Variants in CLPTM1 observed in about 807,000 individuals in gnomAD.
The protein encoded by CLPTM1 is putative lipid scramblase CLPTM1.
Under a neutral mutation model 77.3 loss-of-function variants are expected in CLPTM1, and 21 were observed. The ratio of observed to expected loss-of-function variants is 0.27; its 90% CI spans 0.19 to 0.39. The LOEUF is 0.39. Ranked by LOEUF, CLPTM1 falls within the 10% of genes least tolerant of loss-of-function variation. CLPTM1 has a pLI of 1.00. For missense variants in CLPTM1, 642 were observed against 921.2 expected (o/e 0.70, Z 3.92); for synonymous variants, 373 against 381.0 (o/e 0.98, Z 0.24).
At chr19:44,964,418 C>A (rs1009156691) in intron 2 of CLPTM1, among the ~76,000 whole-genome samples, 12 of 136,032 alleles carry the variant, frequency 8.8e-5, no homozygotes, top group African/African-American at 3.3e-4. Flanking sequence ...TCAAGCGATT[C>A]TCCTGCCTCA....
In CLPTM1 at chr19:44,987,989, T is replaced by C. The variant is rs1971008498; in HGVS notation, c.1039-91T>C. The C allele has an allele frequency of 6.4e-6, 6 of 943,678 alleles. No individual in the cohort carries two copies. The Admixed American group carries it at 1.0e-4, about 16-fold the overall frequency. The allele number at this position is 943,678 out of a possible 1,614,324, so 58.5% of individuals were successfully genotyped here. A position where few individuals can be genotyped will look rare whatever the true frequency, so the allele number is the denominator to read the frequency against. On this transcript the variant is annotated intron_variant, in intron 8 of 13. Coordinates refer to ENST00000337392, the MANE Select transcript of CLPTM1 (RefSeq NM_001294.4). ...GGCTGGCCCACCTTCAGCCTCCCTC[T>C]ACAGGCGGCCCCAGGGGCAGCCCTC...
intron 5 of CLPTM1, 42 bp from the exon 6 acceptor site, chr19:44,985,176 A>G (rs204472): frequency 0.95 from 1,417,283 of 1,494,084 alleles, 672,925 homozygotes; most frequent in Non-Finnish European, 0.96. Context: ...TGCAGGTGCC[A>G]GCAGGTCTCA....
chr19:44,962,107 A>G (rs892817601), intron 2 of CLPTM1, 32 bp downstream of exon 2: 6 of 443,494 alleles, frequency 1.4e-5, no homozygotes, highest in South Asian at 5.1e-5. Context: ...TTGTTCACCG[A>G]AAACATTCAA....
At chr19:44,971,350 TTTCTTA>T (rs1335731106) in intron 2 of CLPTM1, among the ~76,000 whole-genome samples, 1 of 152,102 alleles carries the variant, frequency 6.6e-6, no homozygotes, top group African/African-American at 2.4e-5. Flanking sequence ...ATATTGATAT[TTTCTTA>T]GTGTATTAAT....
intron 2 of CLPTM1, among the ~76,000 whole-genome samples, chr19:44,967,120 C>T (rs369558912): frequency 6.6e-6 from 1 of 151,624 alleles, no homozygotes; most frequent in East Asian, 2.0e-4. Flanking sequence ...GGATTACAGG[C>T]GTGAGCCACC....
chr19:44,973,761 G>GTTTTTTTTTTTTTT lies in CLPTM1; in HGVS notation c.309+558_309+571dup, dbSNP rs71173113. The stretch of plus-strand genomic sequence containing the variant: ...GGAAGTTCTTGTTGGGTCACAGTGG[G>GTTTTTTTTTTTTTT]TTTTTTTTTTTTTTTTTTTTGAGAT... On this transcript the variant is annotated intron_variant, in intron 3 of 13. Coordinates refer to ENST00000337392, the MANE Select transcript of CLPTM1 (RefSeq NM_001294.4). Among the ~76,000 whole-genome samples the GTTTTTTTTTTTTTT allele has an allele frequency of 1.3e-3, 84 of 62,422 alleles. 4 individuals carry two copies. The highest frequency in any genetic ancestry group is 3.4e-3 in the African/African-American group (76 of 22,506). The allele number at this position is 62,422 out of a possible 152,430, so 41.0% of individuals were successfully genotyped here. A position where few individuals can be genotyped will look rare whatever the true frequency, so the allele number is the denominator to read the frequency against.
At chr19:44,986,334 G>A in intron 6 of CLPTM1, 121 bp from the exon 7 acceptor site, 1 of 1,348,998 alleles carries the variant, frequency 7.4e-7, no homozygotes. Context: ...CCCCATCTCA[G>A]AAAAAAAAGA....
rs949771917 is a variant in CLPTM1, at chr19:44,973,228, G to C, written c.309+18G>C. On this transcript the variant is annotated intron_variant, in intron 3 of 13. Coordinates refer to ENST00000337392, the MANE Select transcript of CLPTM1 (RefSeq NM_001294.4). ...CTTTAATGGTAACTGCCGGGTGGTAGGGCAGACTTGGGAGGTGATGGGGTG... is the reference window on the plus strand; with the variant it reads ...CTTTAATGGTAACTGCCGGGTGGTACGGCAGACTTGGGAGGTGATGGGGTG... 6.2e-7 allele frequency: 1 copy of C among 1,613,874 alleles called. No homozygotes were observed. The highest frequency in any genetic ancestry group is 1.7e-5 in the Admixed American group (1 of 60,018).
chr19:44,978,336 C>A (rs1274876331), intron 5 of CLPTM1, among the ~76,000 whole-genome samples: 1 of 146,808 alleles, frequency 6.8e-6, no homozygotes, highest in East Asian at 2.0e-4. Context: ...ATCCAGGAGG[C>A]GGAGGTTGCA....
At chr19:44,955,374 G>A, upstream of CLPTM1, 2 of 1,293,384 alleles carry the variant, frequency 1.5e-6, no homozygotes, top group Non-Finnish European at 2.0e-6. Flanking sequence ...TGGCGGCGGG[G>A]GCGGGGACCC....
At chr19:44,974,683 C>A in intron 4 of CLPTM1, 86 bp downstream of exon 4, 2 of 1,495,510 alleles carry the variant, frequency 1.3e-6, no homozygotes, top group Non-Finnish European at 1.8e-6. Context: ...TTGCTGAGAG[C>A]ATGTGGAGTT....
intron 2 of CLPTM1, among the ~76,000 whole-genome samples, chr19:44,963,863 C>T (rs2122244979): frequency 6.6e-6 from 1 of 152,272 alleles, no homozygotes; most frequent in South Asian, 2.1e-4. Flanking sequence ...GGCAATCTGC[C>T]CGCCTTGGCC....
At chr19:44,979,509 C>T (rs564669633) in intron 5 of CLPTM1, among the ~76,000 whole-genome samples, 3 of 152,250 alleles carry the variant, frequency 2.0e-5, no homozygotes, top group South Asian at 2.1e-4. Context: ...TTTTGGGTGG[C>T]GCAGCAACAG....
chr19:44,954,916 T>A (rs911175696), upstream of CLPTM1: 3 of 1,457,120 alleles, frequency 2.1e-6, no homozygotes, highest in African/African-American at 2.8e-5. Context: ...AAAAGGCTAG[T>A]TCTTCGAATC....
At chr19:44,956,691 T>C (rs1970468877) in intron 1 of CLPTM1, among the ~76,000 whole-genome samples, 1 of 152,152 alleles carries the variant, frequency 6.6e-6, no homozygotes, top group South Asian at 2.1e-4. Context: ...CCCCTCTGGG[T>C]TTCTGTTGAT....
chr19:44,981,460 G>A (rs893235604), intron 5 of CLPTM1, among the ~76,000 whole-genome samples: 16 of 152,100 alleles, frequency 1.1e-4, no homozygotes, highest in Non-Finnish European at 2.2e-4. Context: ...AGATATGGTG[G>A]TGCGCAACCT....
intron 4 of CLPTM1, 124 bp downstream of exon 4, chr19:44,974,721 G>T: frequency 9.2e-7 from 1 of 1,092,684 alleles, no homozygotes; most frequent in Non-Finnish European, 1.3e-6. Context: ...CCTTCCCTGG[G>T]CTCACATGGT....
chr19:44,985,236 G>T lies in CLPTM1; in HGVS notation c.605G>T (p.Arg202Leu), dbSNP rs773592797. 1.2e-6 allele frequency: 2 copies of T among 1,613,750 alleles called. No homozygotes were observed. The highest frequency in any genetic ancestry group is 2.2e-5 in the South Asian group (2 of 91,052). The change falls in exon 6 of 14, where the codon CGC becomes CTC. Residue 202 changes from arginine (R) to leucine (L), a missense_variant. Transcript: ENST00000337392. The stretch of plus-strand genomic sequence containing the variant: ...ACCACAGTGATCAACAAATACAAGC[G>T]CAGACGATTTCAGAAAACCAAGAAC... ...HMSRMINKYK[R>L]RRFQKTKNLL...
chr19:44,980,524 A>G (rs1005532672), intron 5 of CLPTM1, among the ~76,000 whole-genome samples: 29 of 150,810 alleles, frequency 1.9e-4, no homozygotes, highest in South Asian at 4.2e-4. Flanking sequence ...AAAAAAAAAA[A>G]AAAGAAAAGA....
Sources: allele counts gnomAD v4.1 joint callset (sites outside exome capture counted in the v4.1 genomes callset), GRCh38; gene constraint gnomAD v4.1.1; transcripts MANE v1.5; gene names NCBI Gene and HGNC (gene_info 2026-07-23, HGNC 2026-07-21).